Variants in TMC1 observed in about 807,000 individuals in gnomAD.
TMC1 encodes the protein transmembrane channel-like protein 1.
A neutral mutation model predicts 105.8 loss-of-function variants in TMC1; 84 were observed. The ratio of observed to expected loss-of-function variants is 0.79; its 90% confidence interval spans 0.67 to 0.95. The LOEUF (loss-of-function observed/expected upper bound fraction) is 0.95. TMC1 is among the 40% of genes least tolerant of loss of function. The pLI, the probability that TMC1 is intolerant of heterozygous loss-of-function variation, is 0.00. For missense variants in TMC1, 817 were observed against 914.1 expected (o/e 0.89, Z 1.37); for synonymous variants, 315 against 311.5 (o/e 1.01, Z -0.12).
chr9:72,813,999 T>G (rs1303058645), intron 18 of TMC1, among the ~76,000 whole-genome samples: 1 of 152,168 alleles, frequency 6.6e-6, no homozygotes, highest in East Asian at 1.9e-4. Context: ...CCCTAGGGTG[T>G]CCTTTATGCT....
intron 17 of TMC1, among the ~76,000 whole-genome samples, chr9:72,802,781 A>T (rs945445583): frequency 6.6e-6 from 1 of 152,210 alleles, no homozygotes; most frequent in East Asian, 1.9e-4. Flanking sequence ...AGGAAAAATC[A>T]ATATTGTGAA....
chr9:72,574,633 C>T (rs951944686), intron 1 of TMC1, among the ~76,000 whole-genome samples: 2 of 152,240 alleles, frequency 1.3e-5, no homozygotes, highest in Non-Finnish European at 2.9e-5. Flanking sequence ...CCACAGGAAG[C>T]TGGGCTGATA....
chr9:72,784,019 A>G (rs2118163426), intron 13 of TMC1, among the ~76,000 whole-genome samples: 1 of 152,354 alleles, frequency 6.6e-6, no homozygotes, highest in South Asian at 2.1e-4. Flanking sequence ...CAAATCCTTC[A>G]TTAAGAAGAC....
At chr9:72,729,965 C>A (rs2117978781) in intron 8 of TMC1, among the ~76,000 whole-genome samples, 1 of 152,302 alleles carries the variant, frequency 6.6e-6, no homozygotes, top group Non-Finnish European at 1.5e-5. Flanking sequence ...CCAGCAATAC[C>A]TGTCCAGATT....
At chr9:72,628,114 A>G in intron 4 of TMC1, 51 bp downstream of exon 4, 1 of 455,454 alleles carries the variant, frequency 2.2e-6, no homozygotes, top group Admixed American at 2.3e-5. Context: ...CTAGCATTGT[A>G]CTGGCCTTTC....
chr9:72,597,055 T>C (rs1381509459), intron 2 of TMC1, among the ~76,000 whole-genome samples: 1 of 152,242 alleles, frequency 6.6e-6, no homozygotes. Context: ...AGGGCTTTGC[T>C]GCTAACGTCA....
intron 5 of TMC1, among the ~76,000 whole-genome samples, chr9:72,676,497 A>G (rs1826204254): frequency 6.6e-6 from 1 of 152,148 alleles, no homozygotes; most frequent in Non-Finnish European, 1.5e-5. Flanking sequence ...TAGTTCTCAC[A>G]GCAACCGTAC....
At chr9:72,727,400 C>T (rs1827141265) in intron 8 of TMC1, among the ~76,000 whole-genome samples, 2 of 151,906 alleles carry the variant, frequency 1.3e-5, no homozygotes, top group South Asian at 2.1e-4. Flanking sequence ...ATAAAACATA[C>T]CCAGTAATTA....
intron 2 of TMC1, among the ~76,000 whole-genome samples, chr9:72,586,189 A>G (rs565938276): frequency 3.3e-5 from 5 of 152,320 alleles, no homozygotes; most frequent in Non-Finnish European, 7.4e-5. Flanking sequence ...CCCACACAGT[A>G]GGGCTTGGGG....
chr9:72,636,795 C>G lies in TMC1; in HGVS notation c.-53+8732C>G, dbSNP rs1235668322. On this transcript the variant is annotated intron_variant, in intron 4 of 23. Coordinates refer to ENST00000297784, the MANE Select transcript of TMC1 (RefSeq NM_138691.3). Reference sequence around the variant, plus strand: ...CACATCACAGCAGAGCAGAGGTTCTCAACAATTGATTTTATTCCCCAGGGG... The same window carrying G: ...CACATCACAGCAGAGCAGAGGTTCTGAACAATTGATTTTATTCCCCAGGGG... Among the ~76,000 whole-genome samples, 3 of 151,232 alleles carry G rather than the reference C, an allele frequency of 2.0e-5. No individual in the cohort carries two copies. In the East Asian group the frequency reaches 5.8e-4, roughly 29 times the overall value.
chr9:72,748,735 T>A (rs556449386), intron 10 of TMC1, among the ~76,000 whole-genome samples: 39 of 152,324 alleles, frequency 2.6e-4, no homozygotes, highest in African/African-American at 8.9e-4. Flanking sequence ...GTTTTTGTGT[T>A]GAGACAGGAA....
At chr9:72,537,531 C>T (rs914946375) in intron 1 of TMC1, among the ~76,000 whole-genome samples, 52 of 152,074 alleles carry the variant, frequency 3.4e-4, no homozygotes, top group African/African-American at 1.3e-3. Context: ...GCAGTGTAAA[C>T]CAAAAAGTAT....
At chr9:72,651,823 T>C (rs1825818502) in intron 5 of TMC1, among the ~76,000 whole-genome samples, 1 of 152,110 alleles carries the variant, frequency 6.6e-6, no homozygotes, top group Non-Finnish European at 1.5e-5. Context: ...GAATAAGTTC[T>C]TTAGTGGTGA....
chr9:72,533,305 A>G (rs987492695), intron 1 of TMC1, among the ~76,000 whole-genome samples: 1 of 152,198 alleles, frequency 6.6e-6, no homozygotes, highest in African/African-American at 2.4e-5. Flanking sequence ...CTGGCTCTAG[A>G]AGAAACTCTG....
chr9:72,687,945 GA>G (rs1414991005), intron 5 of TMC1, among the ~76,000 whole-genome samples: 8 of 151,864 alleles, frequency 5.3e-5, no homozygotes, highest in African/African-American at 1.2e-4. Flanking sequence ...GTTGACAAAA[GA>G]AAAAAATATG....
At chr9:72,724,005 G>C (rs1444823) in intron 8 of TMC1, among the ~76,000 whole-genome samples, 2 of 152,140 alleles carry the variant, frequency 1.3e-5, no homozygotes, top group African/African-American at 2.4e-5. Flanking sequence ...ATCATCTTGA[G>C]GTTCTGCCCA....
At chr9:72,700,251 CAA>C (rs113598491) in intron 7 of TMC1, among the ~76,000 whole-genome samples, 8 of 97,740 alleles carry the variant, frequency 8.2e-5, no homozygotes, top group African/African-American at 7.7e-5. Context: ...AACTCCATCT[CAA>C]AAAAAAAAAA....
At chr9:72,643,504 G>C (rs369356833) in intron 4 of TMC1, among the ~76,000 whole-genome samples, 3 of 152,026 alleles carry the variant, frequency 2.0e-5, no homozygotes, top group African/African-American at 4.8e-5. Context: ...GATCTGCTTT[G>C]TGTCACTGCA....
At chr9:72,583,813 A>G (rs1221427140) in intron 2 of TMC1, among the ~76,000 whole-genome samples, 1 of 152,160 alleles carries the variant, frequency 6.6e-6, no homozygotes, top group East Asian at 1.9e-4. Flanking sequence ...AAAATATGCC[A>G]TTATAAAAAA....
Sources: allele counts gnomAD v4.1 joint callset (sites outside exome capture counted in the v4.1 genomes callset), GRCh38; gene constraint gnomAD v4.1.1; transcripts MANE v1.5; gene names NCBI Gene and HGNC (gene_info 2026-07-23, HGNC 2026-07-21).